HPSE2: variants seen among roughly 807,000 people sequenced by gnomAD.
HPSE2 encodes the protein heparanase 2 (inactive).
In HPSE2, 38 loss-of-function variants were observed where a neutral mutation model predicts 60.5. That is an observed-to-expected ratio of 0.63 (90% CI 0.48 to 0.82). The LOEUF is 0.82. Ranked by LOEUF, HPSE2 falls within the 40% of genes least tolerant of loss-of-function variation. The pLI is 0.00. For missense variants in HPSE2, 713 were observed against 740.4 expected (o/e 0.96, Z 0.43); for synonymous variants, 295 against 293.2 (o/e 1.01, Z -0.06).
At chr10:98,956,029 T>C (rs1955502540) in intron 3 of HPSE2, among the ~76,000 whole-genome samples, 5 of 152,124 alleles carry the variant, frequency 3.3e-5, no homozygotes, top group Admixed American at 2.6e-4. Flanking sequence ...AATGGGTTGA[T>C]AGGTACAGCA....
At chr10:99,208,337 C>T (rs1276978891) in intron 2 of HPSE2, among the ~76,000 whole-genome samples, 2 of 152,062 alleles carry the variant, frequency 1.3e-5, no homozygotes, top group Admixed American at 6.6e-5. Context: ...AATAGTAAGT[C>T]CTTACCTATC....
At chr10:98,544,119 T>C (rs2133832211) in intron 9 of HPSE2, among the ~76,000 whole-genome samples, 1 of 152,180 alleles carries the variant, frequency 6.6e-6, no homozygotes. Context: ...ATAGAAATTT[T>C]AACAAACTGT....
At chr10:98,880,311 T>C (rs1952988136) in intron 3 of HPSE2, among the ~76,000 whole-genome samples, 1 of 152,074 alleles carries the variant, frequency 6.6e-6, no homozygotes, top group Non-Finnish European at 1.5e-5. Flanking sequence ...ATTTGAGTTA[T>C]AGTCACAACT....
At chr10:99,000,935 T>C (rs1405518470) in intron 3 of HPSE2, among the ~76,000 whole-genome samples, 1 of 152,108 alleles carries the variant, frequency 6.6e-6, no homozygotes, top group Non-Finnish European at 1.5e-5. Context: ...CACAGTGTTA[T>C]ATAGGATATT....
intron 9 of HPSE2, among the ~76,000 whole-genome samples, chr10:98,561,396 T>TA (rs1944177756): frequency 6.6e-6 from 1 of 151,982 alleles, no homozygotes; most frequent in African/African-American, 2.4e-5. Context: ...AATTAAAAAG[T>TA]AAAAAACAGA....
intron 3 of HPSE2, among the ~76,000 whole-genome samples, chr10:98,900,737 A>G (rs555829055): frequency 6.6e-6 from 1 of 152,338 alleles, no homozygotes; most frequent in East Asian, 1.9e-4. Flanking sequence ...AAGATGTGGA[A>G]AAATCAAATC....
At chr10:99,210,221 G>A (rs185412024) in intron 2 of HPSE2, among the ~76,000 whole-genome samples, 10 of 152,144 alleles carry the variant, frequency 6.6e-5, no homozygotes, top group Non-Finnish European at 1.2e-4. Flanking sequence ...AGACTGAATC[G>A]TGAAGAAATA....
intron 3 of HPSE2, among the ~76,000 whole-genome samples, chr10:98,987,045 GC>G (rs1017282562): frequency 6.6e-6 from 1 of 152,048 alleles, no homozygotes; most frequent in Non-Finnish European, 1.5e-5. Context: ...TGGATTCACA[GC>G]CGAATTCTAC....
intron 3 of HPSE2, among the ~76,000 whole-genome samples, chr10:98,964,552 T>G (rs548875651): frequency 1.3e-5 from 2 of 152,228 alleles, no homozygotes; most frequent in South Asian, 4.1e-4. Context: ...TCCCACCCAC[T>G]AATCACTCTA....
At chr10:98,805,316 G>T (rs969920178) in intron 3 of HPSE2, among the ~76,000 whole-genome samples, 4 of 152,050 alleles carry the variant, frequency 2.6e-5, no homozygotes, top group East Asian at 1.9e-4. Flanking sequence ...GGGTTAATGG[G>T]TTCAAAAAAT....
intron 3 of HPSE2, among the ~76,000 whole-genome samples, chr10:98,937,263 C>T (rs1589392135): frequency 6.9e-6 from 1 of 144,088 alleles, no homozygotes; most frequent in Non-Finnish European, 1.5e-5. Flanking sequence ...GCACCGTGCG[C>T]AAGCTGAAGC....
intron 3 of HPSE2, among the ~76,000 whole-genome samples, chr10:99,087,879 A>T (rs1843378678): frequency 6.6e-6 from 1 of 152,084 alleles, no homozygotes; most frequent in Non-Finnish European, 1.5e-5. Flanking sequence ...CTTCTTATAG[A>T]TTTCAATTGA....
At chr10:98,479,550 T>G (rs1323632217) in intron 11 of HPSE2, among the ~76,000 whole-genome samples, 2 of 152,234 alleles carry the variant, frequency 1.3e-5, no homozygotes, top group East Asian at 3.8e-4. Flanking sequence ...AGATGTGGTC[T>G]TGAACATGTA....
In HPSE2 at chr10:98,693,998, C is replaced by T. The variant is rs537072877; in HGVS notation, c.957-51G>A. 14 of 1,379,666 alleles carry T rather than the reference C, an allele frequency of 1.0e-5. No homozygotes were observed. The Admixed American group carries it at 1.2e-4, about 12-fold the overall frequency. 85.5% of individuals were successfully genotyped at this position (1,379,666 alleles called of 1,614,324 possible). ...TATTACAACTTAGATTAAACCACAT[C>T]CCCTAAATCAAAAGGAAATAAACTG... On this transcript the variant is annotated intron_variant, in intron 5 of 11. Coordinates refer to ENST00000370552, the MANE Select transcript of HPSE2 (RefSeq NM_021828.5).
At chr10:99,205,945 T>C (rs924336204) in intron 2 of HPSE2, among the ~76,000 whole-genome samples, 13 of 152,310 alleles carry the variant, frequency 8.5e-5, no homozygotes, top group Non-Finnish European at 1.8e-4. Context: ...TCCACCATGT[T>C]TAGCACAATG....
chr10:98,825,313 T>C (rs1359894658), intron 3 of HPSE2, among the ~76,000 whole-genome samples: 1 of 151,748 alleles, frequency 6.6e-6, no homozygotes, highest in African/African-American at 2.4e-5. Context: ...AGCCAAAATG[T>C]GATAAACAAA....
chr10:98,594,890 A>G (rs991513998), intron 9 of HPSE2, among the ~76,000 whole-genome samples: 7 of 152,330 alleles, frequency 4.6e-5, no homozygotes, highest in Admixed American at 3.9e-4. Flanking sequence ...CTGTTTTCCA[A>G]TAATGACTGT....
chr10:99,033,022 G>C (rs1957532344), intron 3 of HPSE2, among the ~76,000 whole-genome samples: 1 of 152,124 alleles, frequency 6.6e-6, no homozygotes, highest in Non-Finnish European at 1.5e-5. Flanking sequence ...TGCCATGTAA[G>C]TTAACATATT....
intron 3 of HPSE2, among the ~76,000 whole-genome samples, chr10:98,831,329 C>T (rs1273124052): frequency 4.6e-5 from 7 of 152,090 alleles, no homozygotes; most frequent in Non-Finnish European, 1.5e-5. Flanking sequence ...AGGCAAGGTA[C>T]TATGTTGGTG....
Sources: gnomAD v4.1 joint callset for allele counts (sites outside exome capture counted in the v4.1 genomes callset) on GRCh38, gnomAD v4.1.1 for gene constraint, MANE v1.5 for transcripts, NCBI Gene and HGNC (gene_info 2026-07-23, HGNC 2026-07-21) for gene names.